NALF1: variants seen among roughly 807,000 people sequenced by gnomAD.
NALF1 encodes the protein family with sequence similarity 155 member A.
In NALF1, 3 loss-of-function variants were observed where a neutral mutation model predicts 48.4. The observed-to-expected ratio is 0.06, with a 90% CI of 0.03 to 0.16. The LOEUF (loss-of-function observed/expected upper bound fraction) is 0.16, where lower values mean the gene tolerates loss of function less well. Among genes scored for constraint, NALF1 ranks in the 10% least tolerant of loss-of-function variants. The pLI, the probability that NALF1 is intolerant of heterozygous loss-of-function variation, is 1.00. For synonymous variants in NALF1, 262 were observed against 245.7 expected, an observed-to-expected ratio of 1.07 and a Z score of -0.62; for missense variants, 526 against 571.5, an observed-to-expected ratio of 0.92 and a Z score of 0.81.
chr13:107,516,551 T>C (rs1005317624), intron 1 of NALF1, among the ~76,000 whole-genome samples: 5 of 152,238 alleles, frequency 3.3e-5, no homozygotes, highest in African/African-American at 1.2e-4. Flanking sequence ...GCCTTCACAT[T>C]GTTTTATTAA....
chr13:107,712,149 T>C (rs1277982619), intron 1 of NALF1, among the ~76,000 whole-genome samples: 1 of 152,160 alleles, frequency 6.6e-6, no homozygotes, highest in Non-Finnish European at 1.5e-5. Flanking sequence ...CACACACACA[T>C]TATAAATGTT....
intron 1 of NALF1, among the ~76,000 whole-genome samples, chr13:107,854,064 G>T (rs906605720): frequency 1.3e-5 from 2 of 152,176 alleles, no homozygotes; most frequent in Non-Finnish European, 2.9e-5. Context: ...ATGCAGATAG[G>T]ATTTTATTCA....
chr13:107,489,979 A>C (rs1885389356), intron 1 of NALF1, among the ~76,000 whole-genome samples: 1 of 152,234 alleles, frequency 6.6e-6, no homozygotes, highest in Non-Finnish European at 1.5e-5. Flanking sequence ...AATCATCTGA[A>C]AGAAATCTCA....
At chr13:107,510,605 C>T (rs1033938200) in intron 1 of NALF1, among the ~76,000 whole-genome samples, 2 of 152,124 alleles carry the variant, frequency 1.3e-5, no homozygotes, top group Non-Finnish European at 1.5e-5. Context: ...ATTTTATGCC[C>T]AGTGTATTGA....
intron 1 of NALF1, among the ~76,000 whole-genome samples, chr13:107,508,851 A>C (rs1425611731): frequency 6.6e-6 from 1 of 152,102 alleles, no homozygotes; most frequent in Non-Finnish European, 1.5e-5. Flanking sequence ...TAAAAAAAAA[A>C]CAAAAACAAC....
intron 1 of NALF1, among the ~76,000 whole-genome samples, chr13:107,373,264 T>C (rs1345027249): frequency 6.6e-6 from 1 of 152,144 alleles, no homozygotes; most frequent in East Asian, 1.9e-4. Context: ...AAAGTAGATG[T>C]GAGACTAGCA....
chr13:107,716,845 G>C (rs1875839373), intron 1 of NALF1, among the ~76,000 whole-genome samples: 1 of 150,192 alleles, frequency 6.7e-6, no homozygotes, highest in African/African-American at 2.4e-5. Context: ...ATTATGAAGA[G>C]AAACACATCT....
intron 1 of NALF1, among the ~76,000 whole-genome samples, chr13:107,300,228 C>T (rs1163878656): frequency 2.0e-5 from 3 of 152,184 alleles, no homozygotes; most frequent in Non-Finnish European, 2.9e-5. Context: ...ATACAATATC[C>T]AAAGTTCCTG....
intron 1 of NALF1, among the ~76,000 whole-genome samples, chr13:107,393,298 A>G (rs1016454233): frequency 3.9e-5 from 6 of 152,248 alleles, no homozygotes; most frequent in African/African-American, 1.4e-4. Context: ...TCTAAATGAG[A>G]GTATTTTTGT....
chr13:107,371,973 T>G (rs1013551733), intron 1 of NALF1, among the ~76,000 whole-genome samples: 1 of 152,216 alleles, frequency 6.6e-6, no homozygotes, highest in African/African-American at 2.4e-5. Flanking sequence ...GTAAGAAGGC[T>G]GCTCAGATCT....
intron 1 of NALF1, among the ~76,000 whole-genome samples, chr13:107,726,408 C>T (rs1390737722): frequency 6.6e-6 from 1 of 151,974 alleles, no homozygotes; most frequent in Admixed American, 6.6e-5. Context: ...TGCTGTCTCA[C>T]AAAACCAAAT....
intron 1 of NALF1, among the ~76,000 whole-genome samples, chr13:107,329,128 G>C (rs1483558979): frequency 1.3e-5 from 2 of 152,106 alleles, no homozygotes; most frequent in Non-Finnish European, 2.9e-5. Flanking sequence ...CAACATTCAA[G>C]AACAAACGTG....
intron 1 of NALF1, among the ~76,000 whole-genome samples, chr13:107,476,241 TTTC>T (rs1344086339): frequency 6.6e-6 from 1 of 152,160 alleles, no homozygotes; most frequent in African/African-American, 2.4e-5. Context: ...GCAAATAACC[TTTC>T]TTATCAAATC....
At chr13:107,591,752 GAA>G (rs1878608048) in intron 1 of NALF1, among the ~76,000 whole-genome samples, 1 of 151,982 alleles carries the variant, frequency 6.6e-6, no homozygotes, top group African/African-American at 2.4e-5. Context: ...TTTCAAACGC[GAA>G]GATATATTTA....
At chr13:107,783,207 G>A (rs551156916) in intron 1 of NALF1, among the ~76,000 whole-genome samples, 6,447 of 108,556 alleles carry the variant, frequency 0.059, 255 homozygotes, top group Middle Eastern at 0.11. Context: ...TCAGTCCCCC[G>A]CCCGGCCAGC....
intron 1 of NALF1, among the ~76,000 whole-genome samples, chr13:107,392,525 C>G (rs1883644603): frequency 6.6e-6 from 1 of 152,140 alleles, no homozygotes; most frequent in Non-Finnish European, 1.5e-5. Flanking sequence ...CAGACAGGTT[C>G]TCACTGTAAA....
chr13:107,623,312 A>G (rs1316742859), intron 1 of NALF1, among the ~76,000 whole-genome samples: 1 of 152,140 alleles, frequency 6.6e-6, no homozygotes, highest in Non-Finnish European at 1.5e-5. Context: ...AAACAAGCAA[A>G]CACCAATTTT....
chr13:107,360,211 AG>A (rs1883036884), intron 1 of NALF1, among the ~76,000 whole-genome samples: 1 of 152,212 alleles, frequency 6.6e-6, no homozygotes, highest in Non-Finnish European at 1.5e-5. Flanking sequence ...TCAGAGTCAA[AG>A]GAAGTGTGCA....
chr13:107,530,333 C>G (rs1876586107), intron 1 of NALF1, among the ~76,000 whole-genome samples: 2 of 152,138 alleles, frequency 1.3e-5, no homozygotes, highest in Non-Finnish European at 2.9e-5. Context: ...CTATTTACTA[C>G]CTATATCCAC....
Sources: allele counts gnomAD v4.1 joint callset (sites outside exome capture counted in the v4.1 genomes callset), GRCh38; gene constraint gnomAD v4.1.1; transcripts MANE v1.5; gene names NCBI Gene and HGNC (gene_info 2026-07-23, HGNC 2026-07-21).